The following ZNF384 variants were observed in gnomAD, a reference collection of about 807,000 sequenced individuals.
ZNF384 encodes zinc finger protein 384.
In ZNF384, 20 loss-of-function variants were observed where a neutral mutation model predicts 65.0. The ratio of observed to expected loss-of-function variants is 0.31; its 90% CI spans 0.22 to 0.45. The LOEUF is 0.45. Ranked by LOEUF, ZNF384 falls within the 20% of genes least tolerant of loss-of-function variation. The pLI is 1.00. For synonymous variants in ZNF384, 310 were observed against 303.9 expected, an observed-to-expected ratio of 1.02 and a Z score of -0.21; for missense variants, 549 against 769.4, an observed-to-expected ratio of 0.71 and a Z score of 3.39.
intron 2 of ZNF384, among the ~76,000 whole-genome samples, chr12:6,682,186 C>T (rs940546169): frequency 2.0e-5 from 3 of 150,426 alleles, no homozygotes; most frequent in Non-Finnish European, 3.0e-5. Context: ...TGAGTGCGGT[C>T]GTGCATACCC....
At position 6,669,175 on chromosome 12, in the gene ZNF384, T is replaced by C. The variant is rs1220679745; in HGVS notation, c.1281A>G (p.Gln427=). 1.2e-6 allele frequency: 2 copies of C among 1,610,936 alleles called. No individual in the cohort carries two copies. The highest frequency in any genetic ancestry group is 2.2e-5 in the East Asian group (1 of 44,698). Residue 427 remains glutamine, a synonymous_variant, in exon 11 of 12, where the codon CAA becomes CAG. Coordinates refer to ENST00000683879, the MANE Select transcript of ZNF384 (RefSeq NM_001385745.1). ...ACTTGAAGGGTTTATCTTTGTTGTG[T>C]TGCCGTCTGTGGGACTGAGAAAATT... is the stretch of plus-strand genomic sequence containing the variant. ...QLSNLQSHRR[Q]HNKDKPFKCH...
chr12:6,670,294 G>A (rs1565423779), intron 10 of ZNF384, among the ~76,000 whole-genome samples: 1 of 151,986 alleles, frequency 6.6e-6, no homozygotes, highest in Non-Finnish European at 1.5e-5. Context: ...CAGGTGTGAT[G>A]GTGCATGCCT....
chr12:6,677,206 G>C lies in ZNF384; in HGVS notation c.740C>G (p.Ser247Ter), dbSNP rs759508565. Residue 247 changes from serine to a stop codon, truncating the protein, a stop_gained, in exon 7 of 12, where the codon TCA becomes TGA. Transcript: ENST00000683879. LOFTEE classifies it high-confidence loss of function. ...CAAATTCGTGGTGGAGCCGGGAACT[G>C]AATCCATGAGCCCAAGGCTCTGTCC... ...GNGQSLGLMD[S>*]VPGSTTNLLC... 2 of 1,279,090 alleles carry C rather than the reference G, an allele frequency of 1.6e-6. No individual in the cohort carries two copies. The highest frequency in any genetic ancestry group is 2.5e-5 in the South Asian group (2 of 80,216). The allele number at this position is 1,279,090 out of a possible 1,614,324, so 79.2% of individuals were successfully genotyped here. A position where few individuals can be genotyped will look rare whatever the true frequency, so the allele number is the denominator to read the frequency against.
intron 6 of ZNF384, 137 bp downstream of exon 6, chr12:6,677,990 A>C: frequency 1.3e-6 from 1 of 761,432 alleles, no homozygotes; most frequent in East Asian, 2.5e-5. Flanking sequence ...ATGATGGGAC[A>C]CCTGACATGC....
In ZNF384 at chr12:6,673,116, GAAAGGGAAAGAATAAT is replaced by G; in HGVS notation, c.1004+84_1004+99del. ...GTTGAGGCTACCAATGGGCAAAGGT[GAAAGGGAAAGAATAAT>G]ACATGTGGAGAGAGGAGTAGGTGCA... is the stretch of plus-strand genomic sequence containing the variant. On this transcript the variant is annotated intron_variant, in intron 8 of 11. Coordinates refer to ENST00000683879, the MANE Select transcript of ZNF384 (RefSeq NM_001385745.1). The surrounding 1 kb of genome is among the most constrained non-coding windows in gnomAD (Gnocchi z 4.7). 1 of 1,125,956 alleles carries G rather than the reference GAAAGGGAAAGAATAAT, an allele frequency of 8.9e-7. No homozygotes were observed. Among genetic ancestry groups the G allele is most frequent in the Non-Finnish European group, 1.3e-6 (1 of 782,110 alleles). 69.7% of individuals were successfully genotyped at this position (1,125,956 alleles called of 1,614,324 possible). A position where few individuals can be genotyped will look rare whatever the true frequency, so the allele number is the denominator to read the frequency against.
At position 6,673,003 on chromosome 12, in the gene ZNF384, A is replaced by G. The variant is rs571742077; in HGVS notation, c.1004+213T>C. The G allele has an allele frequency of 1.7e-6, 1 of 573,496 alleles. No homozygotes were observed. The highest frequency in any genetic ancestry group is 1.9e-5 in the African/African-American group (1 of 53,456). 35.5% of individuals were successfully genotyped at this position (573,496 alleles called of 1,614,324 possible). On this transcript the variant is annotated intron_variant, in intron 8 of 11. Transcript: ENST00000683879. The surrounding 1 kb of genome is among the most constrained non-coding windows in gnomAD (Gnocchi z 4.7). The stretch of plus-strand genomic sequence containing the variant: ...ACAGACACAGAGAGAAACCACAAAA[A>G]TTGTTCCAGACTTTGGAATTGGAGA...
chr12:6,668,037 C>A lies in ZNF384; in HGVS notation c.1504G>T (p.Ala502Ser), dbSNP rs774922361. ...QQQVQAAAAA[A>S]AVAQAQAQAQ... is the part of the protein sequence containing the mutation. ...TGAGCCTGGGCCTGGGCCACTGCTGCCGCTGCTGCTGCTGCCTGCACCTGT... is the reference window on the plus strand; with the variant it reads ...TGAGCCTGGGCCTGGGCCACTGCTGACGCTGCTGCTGCTGCCTGCACCTGT... Residue 502 changes from alanine to serine, a missense_variant, in exon 12 of 12, where the codon GCA becomes TCA. This residue lies in a region of ZNF384 where 136 missense variants were observed against 183.0 expected (regional missense o/e 0.74). Coordinates refer to ENST00000683879, the MANE Select transcript of ZNF384 (RefSeq NM_001385745.1). 1 of 1,613,516 alleles carries A rather than the reference C, an allele frequency of 6.2e-7. No homozygotes were observed. The highest frequency in any genetic ancestry group is 8.5e-7 in the Non-Finnish European group (1 of 1,179,626).
At chr12:6,683,903 G>A (rs1592416945) in intron 2 of ZNF384, among the ~76,000 whole-genome samples, 1 of 152,170 alleles carries the variant, frequency 6.6e-6, no homozygotes, top group African/African-American at 2.4e-5. Flanking sequence ...TGTAGTCCCA[G>A]CTATTCAGGA....
rs1445220124 is a variant in ZNF384 at position 6,688,195 on chromosome 12, A to G, written c.-34T>C. 1 of 152,626 alleles carries G rather than the reference A, an allele frequency of 6.6e-6. No individual in the cohort carries two copies. The highest frequency in any genetic ancestry group is 1.5e-5 in the Non-Finnish European group (1 of 68,086). 9.5% of individuals were successfully genotyped at this position (152,626 alleles called of 1,614,324 possible). On this transcript the variant is annotated 5_prime_UTR_variant, in exon 2 of 12. Coordinates refer to ENST00000683879, the MANE Select transcript of ZNF384 (RefSeq NM_001385745.1). ...CTCTCTCTCTTCCTCCTGCCGTCTT[A>G]TTCCTTCTCCTTTCCAGGGCTCCTG...
chr12:6,668,713 GAAAA>G (rs1201085098), intron 11 of ZNF384, among the ~76,000 whole-genome samples: 2 of 73,362 alleles, frequency 2.7e-5, no homozygotes, highest in African/African-American at 4.9e-5. Context: ...GTCTCAAAAA[GAAAA>G]AAAAAAAAAA....
intron 7 of ZNF384, among the ~76,000 whole-genome samples, chr12:6,675,211 A>G (rs142916513): frequency 2.0e-5 from 3 of 152,348 alleles, no homozygotes; most frequent in East Asian, 3.9e-4. Context: ...TAGGTATAAT[A>G]ATGATGATGA....
Position 6,676,296 on chromosome 12 carries a change from G to A in ZNF384, c.779+871C>T, listed in dbSNP as rs149328404. ...AGCCTGGGCGACAGAGCGAGACTCCGTCTCAAAAAAAAAAAAATTTCTTTG... is the reference window on the plus strand; with the variant it reads ...AGCCTGGGCGACAGAGCGAGACTCCATCTCAAAAAAAAAAAAATTTCTTTG... On this transcript the variant is annotated intron_variant, in intron 7 of 11. Transcript: ENST00000683879. Among the ~76,000 whole-genome samples the A allele has an allele frequency of 5.4e-3, 821 of 151,508 alleles. 5 individuals are homozygous for A. Among genetic ancestry groups the A allele is most frequent in the Middle Eastern group, 0.024 (7 of 294 alleles).
chr12:6,687,867 C>T (rs949907442), intron 2 of ZNF384, among the ~76,000 whole-genome samples: 2 of 152,108 alleles, frequency 1.3e-5, no homozygotes, highest in African/African-American at 4.8e-5. Flanking sequence ...ATAAAGATTT[C>T]CCCTTTGGAC....
chr12:6,676,431 G>C (rs1052271982), intron 7 of ZNF384, among the ~76,000 whole-genome samples: 1 of 152,156 alleles, frequency 6.6e-6, no homozygotes, highest in African/African-American at 2.4e-5. Context: ...GGTCATTCAG[G>C]AATTCCAAAA....
At chr12:6,684,526 G>A (rs1464598421) in intron 2 of ZNF384, among the ~76,000 whole-genome samples, 1 of 152,046 alleles carries the variant, frequency 6.6e-6, no homozygotes, top group African/African-American at 2.4e-5. Context: ...CTTTACAAAG[G>A]AAAATAAATA....
chr12:6,672,273 T>G lies in ZNF384; in HGVS notation c.1187+77A>C. The G allele has an allele frequency of 1.6e-4, 222 of 1,402,298 alleles. No homozygotes were observed. The highest frequency in any genetic ancestry group is 2.0e-4 in the Non-Finnish European group (205 of 1,031,228). The allele number at this position is 1,402,298 out of a possible 1,614,324, so 86.9% of individuals were successfully genotyped here. A position where few individuals can be genotyped will look rare whatever the true frequency, so the allele number is the denominator to read the frequency against. ...CTCTCCCCCGCCCCCCGCATGCGGG[T>G]TGTTGTGTGTGTCCGGGGCGGGGGT... On this transcript the variant is annotated intron_variant, in intron 9 of 11. Coordinates refer to ENST00000683879, the MANE Select transcript of ZNF384 (RefSeq NM_001385745.1). This position sits in a 1 kb window ranked among gnomAD's most constrained non-coding sequence, Gnocchi z 4.4.
chr12:6,676,317 C>A (rs1170590996), intron 7 of ZNF384, among the ~76,000 whole-genome samples: 2 of 152,052 alleles, frequency 1.3e-5, no homozygotes, highest in Non-Finnish European at 2.9e-5. Flanking sequence ...AAAAAAATTT[C>A]TTTGGAATGT....
intron 1 of ZNF384, 159 bp from the exon 2 acceptor site, chr12:6,688,385 G>C (rs1958716317): frequency 6.6e-6 from 1 of 152,272 alleles, no homozygotes; most frequent in Non-Finnish European, 1.5e-5. Context: ...CAGCAGTCTA[G>C]TGCTACCCTC....
At chr12:6,689,066 G>A (rs938303308) in intron 1 of ZNF384, 32 bp downstream of exon 1, 2 of 152,250 alleles carry the variant, frequency 1.3e-5, no homozygotes, top group African/African-American at 4.8e-5. Context: ...AAGCAGCTTG[G>A]CGCGCGCCGG....
Sources: gnomAD v4.1 joint callset for allele counts (sites outside exome capture counted in the v4.1 genomes callset) on GRCh38, gnomAD v4.1.1 for gene constraint, gnomAD v4.1.1 regional missense constraint, Gnocchi (gnomAD v3.1) non-coding constraint, MANE v1.5 for transcripts, NCBI Gene and HGNC (gene_info 2026-07-23, HGNC 2026-07-21) for gene names.